The following CLTB variants were observed in gnomAD, a reference collection of about 807,000 sequenced individuals.
CLTB encodes the protein clathrin light chain B.
In CLTB, 10 loss-of-function variants were observed where a neutral mutation model predicts 30.5. The ratio of observed to expected loss-of-function variants is 0.33; its 90% confidence interval spans 0.20 to 0.56. CLTB has a LOEUF of 0.56. Among genes scored for constraint, CLTB ranks in the 20% least tolerant of loss-of-function variants. CLTB has a pLI of 0.91. For synonymous variants in CLTB, 102 were observed against 120.3 expected, an observed-to-expected ratio of 0.85 and a Z score of 1.00; for missense variants, 261 against 308.3, an observed-to-expected ratio of 0.85 and a Z score of 1.15.
chr5:176,401,380 A>G (rs950293421), intron 2 of CLTB, among the ~76,000 whole-genome samples: 1 of 152,232 alleles, frequency 6.6e-6, no homozygotes, highest in African/African-American at 2.4e-5. Flanking sequence ...CATCCATCTG[A>G]CCACCACCCA....
chr5:176,396,361 T>C, intron 5 of CLTB, 118 bp downstream of exon 5: 1 of 937,072 alleles, frequency 1.1e-6, no homozygotes, highest in Non-Finnish European at 1.8e-6. Flanking sequence ...CCTCCTGTTC[T>C]GACCATTGCT....
intron 2 of CLTB, among the ~76,000 whole-genome samples, chr5:176,400,188 ACT>A (rs1356623937): frequency 6.6e-6 from 1 of 151,270 alleles, no homozygotes; most frequent in East Asian, 1.9e-4. Flanking sequence ...TAAAAGTGAG[ACT>A]CTATCTCAAA....
rs1757701159 is a variant in CLTB at position 176,416,495 on chromosome 5, C to T, written c.-132G>A. 5.6e-6 allele frequency: 4 copies of T among 717,760 alleles called. No homozygotes were observed. The Admixed American group carries it at 1.5e-4, about 26-fold the overall frequency. The allele number at this position is 717,760 out of a possible 1,614,324, so 44.5% of individuals were successfully genotyped here. A position where few individuals can be genotyped will look rare whatever the true frequency, so the allele number is the denominator to read the frequency against. On this transcript the variant is annotated 5_prime_UTR_variant, in exon 1 of 6. Transcript: ENST00000310418. ...GGCGTCGGCGGGGACGGGCTTGGCG[C>T]GGACCGCACTTCCTCTCCGCCACCG...
chr5:176,392,632 C>T lies in CLTB; in HGVS notation c.*142G>A. ...GAGCGAGGCGTGATGGGGTGAGGGCCCCCCTCCCAGCGCCTGGAGATGGGG... is the reference window on the plus strand; with the variant it reads ...GAGCGAGGCGTGATGGGGTGAGGGCTCCCCTCCCAGCGCCTGGAGATGGGG... On this transcript the variant is annotated 3_prime_UTR_variant, in exon 6 of 6. Transcript: ENST00000310418. This position sits in a 1 kb window ranked among gnomAD's most constrained non-coding sequence, Gnocchi z 5.2. The T allele has an allele frequency of 1.1e-6, 1 of 948,390 alleles. No individual in the cohort carries two copies. Among genetic ancestry groups the T allele is most frequent in the Non-Finnish European group, 1.6e-6 (1 of 635,200 alleles). The allele number at this position is 948,390 out of a possible 1,614,324, so 58.7% of individuals were successfully genotyped here.
chr5:176,411,773 C>A (rs1235174862), intron 1 of CLTB, among the ~76,000 whole-genome samples: 2 of 152,158 alleles, frequency 1.3e-5, no homozygotes, highest in Non-Finnish European at 2.9e-5. Context: ...CCTGCCCATT[C>A]CTGACTCACT....
Position 176,416,505 on chromosome 5 carries a change from T to G in CLTB, c.-142A>C. 3.5e-5 allele frequency: 20 copies of G among 578,072 alleles called. No homozygotes were observed. The highest frequency in any genetic ancestry group is 8.5e-5 in the South Asian group (1 of 11,766). The allele number at this position is 578,072 out of a possible 1,614,324, so 35.8% of individuals were successfully genotyped here. A position where few individuals can be genotyped will look rare whatever the true frequency, so the allele number is the denominator to read the frequency against. On this transcript the variant is annotated 5_prime_UTR_variant, in exon 1 of 6. Coordinates refer to ENST00000310418, the MANE Select transcript of CLTB (RefSeq NM_007097.5). ...GGGACGGGCTTGGCGCGGACCGCAC[T>G]TCCTCTCCGCCACCGGGCCCGGCTG... is the stretch of plus-strand genomic sequence containing the variant.
At chr5:176,401,807 G>A (rs1291835939) in intron 2 of CLTB, 11 of 455,006 alleles carry the variant, frequency 2.4e-5, no homozygotes, top group Non-Finnish European at 3.5e-5. Flanking sequence ...CCTCCTGTTC[G>A]TCCTTGATTT....
chr5:176,392,496 A>G (rs535956590), downstream of CLTB: 3 of 414,524 alleles, frequency 7.2e-6, no homozygotes, highest in South Asian at 1.6e-4. This position sits in a 1 kb window ranked among gnomAD's most constrained non-coding sequence, Gnocchi z 5.2. Context: ...TAAGTGTAAA[A>G]AGAGTCAACA....
chr5:176,412,507 C>T (rs1172093123), intron 1 of CLTB, among the ~76,000 whole-genome samples: 1 of 152,150 alleles, frequency 6.6e-6, no homozygotes, highest in Non-Finnish European at 1.5e-5. Context: ...ATCTGCAAGG[C>T]TCTCAGAAAC....
chr5:176,395,136 C>G (rs1257943145), intron 5 of CLTB, among the ~76,000 whole-genome samples: 1 of 152,034 alleles, frequency 6.6e-6, no homozygotes, highest in African/African-American at 2.4e-5. Context: ...AGAGCTTCAG[C>G]CACTGCAGCC....
intron 1 of CLTB, among the ~76,000 whole-genome samples, chr5:176,414,251 T>C (rs1307687387): frequency 1.3e-5 from 2 of 152,156 alleles, no homozygotes; most frequent in Non-Finnish European, 2.9e-5. Flanking sequence ...CAGTGAATAC[T>C]GGTGCATTAA....
rs576802683 is a variant in CLTB, at chr5:176,398,039, G to A, written c.243C>T (p.Asn81=). 8.7e-6 allele frequency: 14 copies of A among 1,613,822 alleles called. No individual in the cohort carries two copies. The highest frequency in any genetic ancestry group is 1.1e-5 in the South Asian group (1 of 91,082). ...TGGCTGCGTAGCCATCAGCAGGACCGTTGGCCTCCTAGAACACAAACACGC... is the reference window on the plus strand; with the variant it reads ...TGGCTGCGTAGCCATCAGCAGGACCATTGGCCTCCTAGAACACAAACACGC... ...TVNGDVFQEA[N]GPADGYAAIA... is the part of the protein sequence containing the mutation. The change falls in exon 3 of 6, where the codon AAC becomes AAT. Residue 81 remains asparagine (N), a synonymous_variant. Transcript: ENST00000310418.
At chr5:176,402,640 G>A (rs1756883506) in intron 2 of CLTB, among the ~76,000 whole-genome samples, 1 of 152,226 alleles carries the variant, frequency 6.6e-6, no homozygotes, top group South Asian at 2.1e-4. Context: ...AGCACCGGGA[G>A]GGCCTGGCTG....
rs1384166541 is a variant in CLTB at position 176,393,890 on chromosome 5, C to T, written c.519-945G>A. 6.6e-6 allele frequency among the ~76,000 whole-genome samples: 1 copy of T among 152,168 alleles called. No individual in the cohort carries two copies. The highest frequency in any genetic ancestry group is 1.5e-5 in the Non-Finnish European group (1 of 68,020). ...GAGCTGGGTCTATGTCCTGTTTGGC[C>T]AGCGAGGGTCGCTCACAAGTCCCTG... On this transcript the variant is annotated intron_variant, in intron 5 of 5. Coordinates refer to ENST00000310418, the MANE Select transcript of CLTB (RefSeq NM_007097.5). This position sits in a 1 kb window ranked among gnomAD's most constrained non-coding sequence, Gnocchi z 4.4.
At chr5:176,406,857 G>A in intron 2 of CLTB, 1 of 498,042 alleles carries the variant, frequency 2.0e-6, no homozygotes, top group South Asian at 2.4e-5. Flanking sequence ...CTTTCCACCT[G>A]TGACCCAGGC....
intron 2 of CLTB, among the ~76,000 whole-genome samples, chr5:176,403,500 G>C (rs1307326132): frequency 6.6e-6 from 1 of 151,888 alleles, no homozygotes; most frequent in African/African-American, 2.4e-5. Context: ...TGTCACCCAG[G>C]CTGGAGTGCA....
chr5:176,414,628 A>C (rs1757606140), intron 1 of CLTB, among the ~76,000 whole-genome samples: 1 of 152,082 alleles, frequency 6.6e-6, no homozygotes, highest in Non-Finnish European at 1.5e-5. Flanking sequence ...TGTTTTGTAG[A>C]GATGGGGTTT....
At chr5:176,394,457 A>G (rs1756399226) in intron 5 of CLTB, among the ~76,000 whole-genome samples, 1 of 152,046 alleles carries the variant, frequency 6.6e-6, no homozygotes, top group East Asian at 1.9e-4. Context: ...GGATCACTTG[A>G]GGTCAGGAGT....
At position 176,414,000 on chromosome 5, in the gene CLTB, G is replaced by T. The variant is rs138563501; in HGVS notation, c.187+2177C>A. The stretch of plus-strand genomic sequence containing the variant: ...CCCACCCCTGCCAAGGACAGAACTT[G>T]CCATCCAGACTGTAAGTCCCTGGAG... On this transcript the variant is annotated intron_variant, in intron 1 of 5. Transcript: ENST00000310418. Among the ~76,000 whole-genome samples the T allele has an allele frequency of 1.3e-3, 197 of 152,262 alleles. 1 individual carries two copies. The highest frequency in any genetic ancestry group is 4.5e-3 in the African/African-American group (186 of 41,550).
Sources: allele counts gnomAD v4.1 joint callset (sites outside exome capture counted in the v4.1 genomes callset), GRCh38; gene constraint gnomAD v4.1.1; non-coding constraint Gnocchi (gnomAD v3.1); transcripts MANE v1.5; gene names NCBI Gene and HGNC (gene_info 2026-07-23, HGNC 2026-07-21).